The following ACYP2 variants were observed in gnomAD, a reference collection of about 807,000 sequenced individuals.
The protein encoded by ACYP2 is acylphosphatase 2.
Under a neutral mutation model 11.2 loss-of-function variants are expected in ACYP2, and 12 were observed. The observed-to-expected ratio is 1.08, with a 90% CI of 0.69 to 1.74. The LOEUF is 1.74. Ranked by LOEUF, ACYP2 falls within the 40% of genes most tolerant of loss-of-function variation. The pLI is 0.00. For missense variants in ACYP2, 134 were observed against 101.9 expected (o/e 1.31, Z -1.35); for synonymous variants, 43 against 32.2 (o/e 1.33, Z -1.13).
intron 6 of ACYP2, among the ~76,000 whole-genome samples, chr2:54,221,479 T>G (rs2103950590): frequency 6.6e-6 from 1 of 152,124 alleles, no homozygotes; most frequent in South Asian, 2.1e-4. Flanking sequence ...TTGAGAGTTT[T>G]TCTTGGCTAG....
intron 2 of ACYP2, among the ~76,000 whole-genome samples, chr2:54,027,313 G>GGTCA (rs1298734271): frequency 6.6e-6 from 1 of 152,048 alleles, no homozygotes; most frequent in African/African-American, 2.4e-5. Context: ...AAACTTGGAG[G>GGTCA]GTCACTCTCT....
intron 6 of ACYP2, among the ~76,000 whole-genome samples, chr2:54,166,776 C>G (rs1451160952): frequency 6.6e-6 from 1 of 152,132 alleles, no homozygotes; most frequent in Non-Finnish European, 1.5e-5. Flanking sequence ...GTATCCCCAC[C>G]TTCCAAGCCC....
intron 4 of ACYP2, among the ~76,000 whole-genome samples, chr2:54,087,313 C>T (rs891214470): frequency 3.3e-5 from 5 of 152,282 alleles, no homozygotes; most frequent in African/African-American, 1.2e-4. Context: ...TGTTTCTAAT[C>T]TTCTTGGCAT....
At chr2:54,115,845 CT>C in intron 4 of ACYP2, 89 bp downstream of exon 1, 3 of 1,380,018 alleles carry the variant, frequency 2.2e-6, no homozygotes, top group South Asian at 1.5e-5. Context: ...TAAAGTATGC[CT>C]TTTCCCGTTG....
chr2:53,986,400 G>A (rs1473834979), intron 2 of ACYP2, among the ~76,000 whole-genome samples: 1 of 151,020 alleles, frequency 6.6e-6, no homozygotes, highest in African/African-American at 2.4e-5. Context: ...GCAGTGGCAT[G>A]ATCTCAGCTC....
intron 2 of ACYP2, among the ~76,000 whole-genome samples, chr2:53,987,048 A>C (rs911018830): frequency 6.6e-6 from 1 of 152,254 alleles, no homozygotes; most frequent in Admixed American, 6.5e-5. Context: ...ATATGGATGA[A>C]TCTTGAAAAC....
At chr2:54,062,352 A>G (rs923624575) in intron 4 of ACYP2, among the ~76,000 whole-genome samples, 3 of 152,160 alleles carry the variant, frequency 2.0e-5, no homozygotes, top group African/African-American at 7.2e-5. Flanking sequence ...TATCTGGTAG[A>G]TTATTTTGTA....
intron 6 of ACYP2, among the ~76,000 whole-genome samples, chr2:54,171,673 C>G (rs545117010): frequency 9.3e-4 from 141 of 151,920 alleles, no homozygotes; most frequent in African/African-American, 3.1e-3. Context: ...TTTTTTCACC[C>G]CTTTCATTAG....
intron 6 of ACYP2, among the ~76,000 whole-genome samples, chr2:54,251,941 T>C (rs924880852): frequency 1.3e-5 from 2 of 152,208 alleles, no homozygotes; most frequent in Non-Finnish European, 2.9e-5. Flanking sequence ...TGACTTTCTG[T>C]TGCCTTGTGG....
At chr2:54,256,306 T>TCAGTCTCGCGACACTCACC (rs1558648650) in intron 6 of ACYP2, 18 of 738,334 alleles carry the variant, frequency 2.4e-5, no homozygotes, top group Non-Finnish European at 3.1e-5. Flanking sequence ...CGACACTCAC[T>TCAGTCTCGCGACACTCACC]CCTCAGTCTC....
In ACYP2 at chr2:54,185,692, C is replaced by T. The variant is rs1253600196; in HGVS notation, c.404+46944C>T. 2.6e-5 allele frequency among the ~76,000 whole-genome samples: 4 copies of T among 152,124 alleles called. No homozygotes were observed. The East Asian group carries it at 7.7e-4, about 29-fold the overall frequency. ...ATATGCATTTATTTGGTGAACAATG[C>T]TGAGAACATTGATAGTTATTTGGAA... On this transcript the variant is annotated intron_variant, in intron 6 of 6. Transcript: ENST00000607452.
intron 4 of ACYP2, among the ~76,000 whole-genome samples, chr2:54,132,445 T>G (rs530459707): frequency 6.6e-6 from 1 of 152,304 alleles, no homozygotes; most frequent in Admixed American, 6.5e-5. Flanking sequence ...TACTATCCTG[T>G]CTTCATTGCT....
chr2:54,251,431 A>C (rs1025876152), intron 6 of ACYP2, among the ~76,000 whole-genome samples: 1 of 152,194 alleles, frequency 6.6e-6, no homozygotes, highest in Non-Finnish European at 1.5e-5. Flanking sequence ...TACAATATAC[A>C]TACAGAGAAG....
intron 2 of ACYP2, among the ~76,000 whole-genome samples, chr2:53,985,131 G>A (rs1298905215): frequency 2.7e-5 from 4 of 149,774 alleles, no homozygotes; most frequent in South Asian, 4.2e-4. Flanking sequence ...GCACAGTGGC[G>A]CAATTTCCGC....
intron 6 of ACYP2, among the ~76,000 whole-genome samples, chr2:54,185,043 C>T (rs1163263123): frequency 1.3e-5 from 2 of 152,078 alleles, no homozygotes; most frequent in African/African-American, 4.8e-5. Flanking sequence ...GACGGGGTTT[C>T]ACCATCTTGG....
At chr2:54,165,378 G>T (rs1158139860) in intron 6 of ACYP2, among the ~76,000 whole-genome samples, 3 of 152,056 alleles carry the variant, frequency 2.0e-5, no homozygotes, top group African/African-American at 7.2e-5. Flanking sequence ...GCCATTCATT[G>T]TTAGTTAGTA....
At chr2:53,973,641 A>G (rs569462906) in intron 1 of ACYP2, 2 of 204,670 alleles carry the variant, frequency 9.8e-6, no homozygotes, top group East Asian at 2.0e-4. Context: ...ATTGCACTTA[A>G]CTCCACCACC....
At chr2:54,249,151 C>A (rs992380925) in intron 6 of ACYP2, among the ~76,000 whole-genome samples, 1 of 151,750 alleles carries the variant, frequency 6.6e-6, no homozygotes, top group African/African-American at 2.4e-5. Context: ...GCAAAAGGGA[C>A]ATGATTACTT....
intron 2 of ACYP2, among the ~76,000 whole-genome samples, chr2:53,990,343 G>A (rs1375141746): frequency 6.6e-6 from 1 of 151,964 alleles, no homozygotes; most frequent in East Asian, 1.9e-4. Context: ...TAACAAGCAA[G>A]ATAGTTGATA....
Sources: allele counts gnomAD v4.1 joint callset (sites outside exome capture counted in the v4.1 genomes callset), GRCh38; gene constraint gnomAD v4.1.1; transcripts MANE v1.5; gene names NCBI Gene and HGNC (gene_info 2026-07-23, HGNC 2026-07-21).